AP3B1: variants seen among roughly 807,000 people sequenced by gnomAD.
The protein encoded by AP3B1 is AP-3 complex subunit beta-1.
AP3B1 carries 61 observed loss-of-function variants against 132.5 expected under a neutral mutation model. That is an observed-to-expected ratio of 0.46 (90% CI 0.37 to 0.57). AP3B1 has a LOEUF of 0.57. AP3B1 is among the 20% of genes least tolerant of loss of function. The probability of loss-of-function intolerance (pLI) is 0.00; values close to 1 mark genes in which losing one functional copy is unlikely to be tolerated. For missense variants in AP3B1, 1,120 were observed against 1,289.4 expected (o/e 0.87, Z 2.01); for synonymous variants, 388 against 438.3 (o/e 0.89, Z 1.43).
intron 6 of AP3B1, among the ~76,000 whole-genome samples, chr5:78,219,537 G>C (rs1258296885): frequency 1.3e-5 from 2 of 151,986 alleles, no homozygotes; most frequent in African/African-American, 4.8e-5. Context: ...GGAGATGACA[G>C]AATATAGATT....
chr5:78,039,249 G>T lies in AP3B1; in HGVS notation c.2603C>A (p.Thr868Lys), dbSNP rs1398038084. The T allele has an allele frequency of 1.2e-6, 2 of 1,613,964 alleles. No individual in the cohort carries two copies. Among genetic ancestry groups the T allele is most frequent in the Non-Finnish European group, 1.7e-6 (2 of 1,179,986 alleles). The stretch of plus-strand genomic sequence containing the variant: ...TCGATGAAGCAGCACGTGAGTTTTC[G>T]TTGGTACAAATGCAGGAGTACTGAC... Reference protein sequence around the residue: ...ISVSTPAFVPTKTHVLLHRMS... With the variant: ...ISVSTPAFVPKKTHVLLHRMS... Residue 868 changes from threonine to lysine, a missense_variant, in exon 23 of 27, where the codon ACG becomes AAG. Coordinates refer to ENST00000255194, the MANE Select transcript of AP3B1 (RefSeq NM_003664.5).
chr5:78,178,063 G>A (rs575254293), intron 8 of AP3B1, among the ~76,000 whole-genome samples: 1 of 152,172 alleles, frequency 6.6e-6, no homozygotes, highest in Non-Finnish European at 1.5e-5. Flanking sequence ...CAGCTAGTAC[G>A]TGGCAAAGCT....
intron 14 of AP3B1, among the ~76,000 whole-genome samples, chr5:78,146,148 A>C (rs946507299): frequency 6.6e-6 from 1 of 152,220 alleles, no homozygotes; most frequent in Non-Finnish European, 1.5e-5. Flanking sequence ...GGTCGGATTA[A>C]TAAAACACTG....
At chr5:78,192,158 T>C (rs1297007052) in intron 7 of AP3B1, among the ~76,000 whole-genome samples, 1 of 151,050 alleles carries the variant, frequency 6.6e-6, no homozygotes, top group Non-Finnish European at 1.5e-5. Flanking sequence ...CTGCACCCAG[T>C]CTGCAGTATA....
At chr5:78,174,241 C>T (rs1744049274) in intron 11 of AP3B1, among the ~76,000 whole-genome samples, 1 of 152,190 alleles carries the variant, frequency 6.6e-6, no homozygotes, top group African/African-American at 2.4e-5. Flanking sequence ...TGAGGAGCTG[C>T]AATCCTTTGT....
intron 25 of AP3B1, among the ~76,000 whole-genome samples, chr5:78,016,720 T>C (rs1413785720): frequency 2.0e-5 from 3 of 151,980 alleles, no homozygotes; most frequent in Non-Finnish European, 2.9e-5. Context: ...AGTTAGAAAA[T>C]AGAACTATCT....
rs143765241 is a variant in AP3B1, at chr5:78,080,089, A to G, written c.2577+9304T>C. Among the ~76,000 whole-genome samples the G allele has an allele frequency of 9.9e-4, 151 of 152,178 alleles. 5 individuals are homozygous for G. In the East Asian group the frequency reaches 0.024, roughly 24 times the overall value. Reference sequence around the variant, plus strand: ...AGTGGTGCGATCCTGGCTCTTGACAATCTCAGCCTCCTAGGCTCAAGTGAT... The same window carrying G: ...AGTGGTGCGATCCTGGCTCTTGACAGTCTCAGCCTCCTAGGCTCAAGTGAT... On this transcript the variant is annotated intron_variant, in intron 22 of 26. Coordinates refer to ENST00000255194, the MANE Select transcript of AP3B1 (RefSeq NM_003664.5).
At chr5:78,262,912 C>A (rs547817823) in intron 2 of AP3B1, among the ~76,000 whole-genome samples, 188 of 152,222 alleles carry the variant, frequency 1.2e-3, no homozygotes, top group African/African-American at 4.3e-3. Context: ...TCAAATGATC[C>A]TCCTGCCTCA....
intron 16 of AP3B1, among the ~76,000 whole-genome samples, 172 bp from the exon 17 acceptor site, chr5:78,128,332 T>TA (rs1752552601): frequency 6.6e-6 from 1 of 152,136 alleles, no homozygotes; most frequent in Admixed American, 6.6e-5. Flanking sequence ...TAGATTACAA[T>TA]AATCTCCCCC....
intron 7 of AP3B1, among the ~76,000 whole-genome samples, chr5:78,184,686 C>CAAAAAAAAAAAAAAAAAAAAAAA (rs772722596): frequency 9.0e-5 from 10 of 110,554 alleles, no homozygotes; most frequent in African/African-American, 3.3e-4. Flanking sequence ...GACACTGTCT[C>CAAAAAAAAAAAAAAAAAAAAAAA]AAAAAAAAAA....
At chr5:78,193,770 A>ATATTTTTTTTT in intron 7 of AP3B1, among the ~76,000 whole-genome samples, 167 of 67,160 alleles carry the variant, frequency 2.5e-3, no homozygotes, top group South Asian at 4.1e-3. Context: ...ATATATATAT[A>ATATTTTTTTTT]TTTTTTTTTT....
chr5:78,122,362 G>T (rs553860340), intron 17 of AP3B1, among the ~76,000 whole-genome samples: 9 of 152,336 alleles, frequency 5.9e-5, no homozygotes, highest in African/African-American at 2.2e-4. Flanking sequence ...TTAGGCAGGA[G>T]AAGGAAATAA....
chr5:78,251,533 G>C (rs1747635127), intron 2 of AP3B1, among the ~76,000 whole-genome samples: 1 of 152,202 alleles, frequency 6.6e-6, no homozygotes, highest in Non-Finnish European at 1.5e-5. Flanking sequence ...GGGCACTGGG[G>C]AAGGGAGAAC....
Position 78,131,164 on chromosome 5 carries a change from C to T in AP3B1, c.1651-1857G>A, listed in dbSNP as rs978041917. On this transcript the variant is annotated intron_variant, in intron 15 of 26. Transcript: ENST00000255194. ...ATAAGCAGAATAGTTATTCACCACA[C>T]ATTTACATACATTAATCAGTTTCTT... Among the ~76,000 whole-genome samples the T allele has an allele frequency of 2.6e-5, 4 of 151,712 alleles. No individual in the cohort carries two copies. The East Asian group carries it at 7.7e-4, about 29-fold the overall frequency.
intron 11 of AP3B1, among the ~76,000 whole-genome samples, chr5:78,168,073 G>A (rs370821582): frequency 6.7e-6 from 1 of 149,976 alleles, no homozygotes; most frequent in Admixed American, 6.6e-5. Context: ...CCAATTAGAA[G>A]GCAAAGACTG....
At chr5:78,261,085 T>G (rs958506957) in intron 2 of AP3B1, among the ~76,000 whole-genome samples, 2 of 152,230 alleles carry the variant, frequency 1.3e-5, no homozygotes, top group Non-Finnish European at 2.9e-5. Flanking sequence ...TGTAGAAATA[T>G]CTGTTCAAGT....
chr5:78,176,883 C>G (rs1744168674), intron 9 of AP3B1, among the ~76,000 whole-genome samples: 1 of 152,118 alleles, frequency 6.6e-6, no homozygotes, highest in South Asian at 2.1e-4. Flanking sequence ...AATATTCCAG[C>G]TTTATAGGAA....
At chr5:78,105,116 G>A (rs1414036641) in intron 20 of AP3B1, among the ~76,000 whole-genome samples, 1 of 151,862 alleles carries the variant, frequency 6.6e-6, no homozygotes, top group Non-Finnish European at 1.5e-5. Flanking sequence ...TTCATATAAG[G>A]AAAATACATA....
At chr5:78,268,600 A>G (rs1039911229) in intron 1 of AP3B1, among the ~76,000 whole-genome samples, 2 of 152,216 alleles carry the variant, frequency 1.3e-5, no homozygotes, top group East Asian at 1.9e-4. Flanking sequence ...TTTTTAGAAC[A>G]GCCCAACCTC....
Sources: allele counts gnomAD v4.1 joint callset (sites outside exome capture counted in the v4.1 genomes callset), GRCh38; gene constraint gnomAD v4.1.1; transcripts MANE v1.5; gene names NCBI Gene and HGNC (gene_info 2026-07-23, HGNC 2026-07-21).